Variants in TUSC3 observed in about 807,000 individuals in gnomAD.
TUSC3 encodes the protein dolichyl-diphosphooligosaccharide--protein glycosyltransferase subunit TUSC3.
A neutral mutation model predicts 44.8 loss-of-function variants in TUSC3; 45 were observed. The ratio of observed to expected loss-of-function variants is 1.00; its 90% CI spans 0.79 to 1.29. The LOEUF (loss-of-function observed/expected upper bound fraction) is 1.29, where lower values mean the gene tolerates loss of function less well. Ranked by LOEUF, TUSC3 falls within the 50% of genes most tolerant of loss-of-function variation. The probability of loss-of-function intolerance (pLI) is 0.00; values close to 1 mark genes in which losing one functional copy is unlikely to be tolerated. For missense variants in TUSC3, 519 were observed against 437.9 expected (o/e 1.19, Z -1.65); for synonymous variants, 212 against 152.9 (o/e 1.39, Z -2.85).
downstream of TUSC3, chr8:15,766,640 C>A (rs986764024): frequency 7.2e-5 from 11 of 152,038 alleles, no homozygotes; most frequent in African/African-American, 2.7e-4. Context: ...CATGAGTAAG[C>A]CCAGTAGCAT....
chr8:15,471,780 G>C (rs1212039250), intron 1 of TUSC3, among the ~76,000 whole-genome samples: 2 of 152,024 alleles, frequency 1.3e-5, no homozygotes, highest in Non-Finnish European at 2.9e-5. Context: ...AACACGTCCA[G>C]CTAATTTTTG....
At position 15,548,698 on chromosome 8, in the gene TUSC3, A is replaced by G. The variant is rs186034666; in HGVS notation, c.138+8130A>G. Among the ~76,000 whole-genome samples the G allele has an allele frequency of 1.9e-3, 287 of 152,026 alleles. 3 individuals carry two copies. The highest frequency in any genetic ancestry group is 6.7e-3 in the African/African-American group (278 of 41,562). On this transcript the variant is annotated intron_variant, in intron 1 of 10. Transcript: ENST00000503731. ...ATTGGATTTCTGATATTTTGTATCT[A>G]AAATCATTCTACTAAGGGAGGTATT...
intron 1 of TUSC3, among the ~76,000 whole-genome samples, chr8:15,432,166 A>G (rs1480758230): frequency 2.6e-5 from 4 of 152,038 alleles, no homozygotes; most frequent in Non-Finnish European, 4.4e-5. Context: ...ATCATCTGGA[A>G]GAGTTGAGAA....
chr8:15,843,714 T>C, the TUSC3 span, among the ~76,000 whole-genome samples: 8 of 151,736 alleles, frequency 5.3e-5, no homozygotes, highest in Non-Finnish European at 8.8e-5. Context: ...ATATAAGATG[T>C]ATATGTATGT....
chr8:15,544,835 T>G (rs1231791161), intron 1 of TUSC3, among the ~76,000 whole-genome samples: 1 of 151,798 alleles, frequency 6.6e-6, no homozygotes, highest in Non-Finnish European at 1.5e-5. Flanking sequence ...TGATTTCACT[T>G]AGGTTAGATT....
At chr8:15,480,079 A>C (rs891049733) in intron 1 of TUSC3, among the ~76,000 whole-genome samples, 2 of 152,194 alleles carry the variant, frequency 1.3e-5, no homozygotes, top group Admixed American at 1.3e-4. Context: ...AATACCTAGG[A>C]ATACAGCTAA....
chr8:15,730,780 G>T, intron 7 of TUSC3, 51 bp downstream of exon 7: 2 of 1,565,990 alleles, frequency 1.3e-6, no homozygotes, highest in South Asian at 2.3e-5. Flanking sequence ...AAAGCTACAT[G>T]TTTTTAAATT....
chr8:15,514,001 C>T (rs571683113), intron 2 of TUSC3, among the ~76,000 whole-genome samples: 7 of 152,248 alleles, frequency 4.6e-5, no homozygotes, highest in Middle Eastern at 6.8e-3. Context: ...TACAATAAAG[C>T]CCCTCTTACA....
chr8:15,538,311 T>A (rs1306974238), upstream of TUSC3, among the ~76,000 whole-genome samples: 1 of 152,246 alleles, frequency 6.6e-6, no homozygotes, highest in African/African-American at 2.4e-5. Context: ...GTGCTGCAGA[T>A]TTATGAATTG....
At chr8:15,828,664 A>C in the TUSC3 span, among the ~76,000 whole-genome samples, 2 of 152,246 alleles carry the variant, frequency 1.3e-5, no homozygotes, top group East Asian at 3.8e-4. Flanking sequence ...TTTTCCTTAC[A>C]AAAATACAGT....
At chr8:15,603,918 A>G (rs998344535) in intron 1 of TUSC3, among the ~76,000 whole-genome samples, 2 of 151,646 alleles carry the variant, frequency 1.3e-5, no homozygotes, top group Admixed American at 6.6e-5. Flanking sequence ...ATGCCAGTTT[A>G]AGAACCCTTT....
At chr8:15,839,462 T>C in the TUSC3 span, among the ~76,000 whole-genome samples, 15 of 152,216 alleles carry the variant, frequency 9.9e-5, no homozygotes, top group African/African-American at 3.4e-4. Context: ...GAGAAAATTT[T>C]TGCAATCTAC....
At chr8:15,796,136 C>T in the TUSC3 span, among the ~76,000 whole-genome samples, 1 of 152,116 alleles carries the variant, frequency 6.6e-6, no homozygotes, top group East Asian at 1.9e-4. Flanking sequence ...GGGTCCTTTC[C>T]TTTGTATCCA....
chr8:15,474,120 C>T (rs1226447260), intron 1 of TUSC3, among the ~76,000 whole-genome samples: 1 of 152,150 alleles, frequency 6.6e-6, no homozygotes, highest in Non-Finnish European at 1.5e-5. Context: ...TCCCTACTTA[C>T]ACGTCCATTT....
At chr8:15,539,662 C>G (rs1437904760), upstream of TUSC3, among the ~76,000 whole-genome samples, 1 of 152,078 alleles carries the variant, frequency 6.6e-6, no homozygotes, top group Non-Finnish European at 1.5e-5. Flanking sequence ...TGCTATGGTT[C>G]TTAAAATATT....
rs11371796 is a variant in TUSC3 at position 15,467,277 on chromosome 8, CAA to C, written n.92-16091_92-16090del. 4.2e-3 allele frequency among the ~76,000 whole-genome samples: 430 copies of C among 102,954 alleles called. 2 individuals are homozygous for C. Among genetic ancestry groups the C allele is most frequent in the African/African-American group, 0.011 (322 of 29,426 alleles). 67.5% of individuals were successfully genotyped at this position (102,954 alleles called of 152,430 possible). On this transcript the variant is annotated intron_variant and non_coding_transcript_variant, in intron 1 of 5. Coordinates refer to the TUSC3 transcript ENST00000503191. Reference sequence around the variant, plus strand: ...GTATTAAATAGGAAAGTTCTTTAGCCAAAAAAAAAAAAAAAAAAAGTGTGTCT... The same window carrying C: ...GTATTAAATAGGAAAGTTCTTTAGCCAAAAAAAAAAAAAAAAAGTGTGTCT...
At chr8:15,773,957 T>C in the TUSC3 span, among the ~76,000 whole-genome samples, 1 of 152,138 alleles carries the variant, frequency 6.6e-6, no homozygotes, top group Non-Finnish European at 1.5e-5. Context: ...TTTAGAAACA[T>C]AGGTGTGAAC....
intron 6 of TUSC3, among the ~76,000 whole-genome samples, chr8:15,681,295 C>T (rs1808421227): frequency 6.6e-6 from 1 of 151,598 alleles, no homozygotes; most frequent in African/African-American, 2.4e-5. Context: ...CTGAATACAT[C>T]TGGTCCAGGG....
chr8:15,627,846 C>A (rs1370725824), intron 2 of TUSC3, among the ~76,000 whole-genome samples: 1 of 152,212 alleles, frequency 6.6e-6, no homozygotes, highest in African/African-American at 2.4e-5. Flanking sequence ...TCCTGGTGTA[C>A]CGTTGGCAGG....
Sources: allele counts gnomAD v4.1 joint callset (sites outside exome capture counted in the v4.1 genomes callset), GRCh38; gene constraint gnomAD v4.1.1; transcripts MANE v1.5; gene names NCBI Gene and HGNC (gene_info 2026-07-23, HGNC 2026-07-21).